Variants in RPS6KC1 observed in about 807,000 individuals in gnomAD.
RPS6KC1 encodes the protein ribosomal protein S6 kinase C1, also known as inactive ribosomal protein S6 kinase delta-1.
A neutral mutation model predicts 103.8 loss-of-function variants in RPS6KC1; 54 were observed. The observed-to-expected ratio is 0.52, with a 90% CI of 0.42 to 0.65. The LOEUF is 0.65. Among genes scored for constraint, RPS6KC1 ranks in the 30% least tolerant of loss-of-function variants. The pLI, the probability that RPS6KC1 is intolerant of heterozygous loss-of-function variation, is 0.00. For synonymous variants in RPS6KC1, 439 were observed against 438.7 expected, an observed-to-expected ratio of 1.00 and a Z score of -0.01; for missense variants, 1,151 against 1,253.8, an observed-to-expected ratio of 0.92 and a Z score of 1.24.
the RPS6KC1 span, among the ~76,000 whole-genome samples, chr1:213,292,104 G>T: frequency 6.6e-6 from 1 of 151,740 alleles, no homozygotes; most frequent in African/African-American, 2.4e-5. Flanking sequence ...CTGTTGAGGG[G>T]TGGGGGTAGG....
the RPS6KC1 span, among the ~76,000 whole-genome samples, chr1:213,835,629 A>T: frequency 0.021 from 3,143 of 152,322 alleles, 112 homozygotes; most frequent in African/African-American, 0.07. Context: ...GTCATGGAAG[A>T]GATCCTTTTC....
the RPS6KC1 span, among the ~76,000 whole-genome samples, chr1:213,539,188 A>T: frequency 6.6e-6 from 1 of 152,212 alleles, no homozygotes; most frequent in African/African-American, 2.4e-5. Flanking sequence ...TCAACTCTTG[A>T]TATCCATCCA....
At chr1:213,767,786 A>T in the RPS6KC1 span, among the ~76,000 whole-genome samples, 1 of 152,220 alleles carries the variant, frequency 6.6e-6, no homozygotes, top group East Asian at 1.9e-4. Context: ...GCCTGGCCAG[A>T]GGCCACGTGG....
the RPS6KC1 span, among the ~76,000 whole-genome samples, chr1:213,371,588 ATCT>A: frequency 2.3e-4 from 35 of 152,296 alleles, no homozygotes; most frequent in African/African-American, 7.9e-4. Context: ...ATTTCTCCAC[ATCT>A]TCTTGTTACT....
intron 1 of RPS6KC1, among the ~76,000 whole-genome samples, chr1:213,059,577 G>A (rs570131301): frequency 3.3e-5 from 5 of 152,090 alleles, no homozygotes; most frequent in East Asian, 1.9e-4. Context: ...GCAGTGGTGC[G>A]ATCTCAGCTC....
chr1:213,340,172 T>G, the RPS6KC1 span, among the ~76,000 whole-genome samples: 6 of 152,106 alleles, frequency 3.9e-5, no homozygotes, highest in Non-Finnish European at 7.4e-5. Context: ...TGAGCCACCG[T>G]GCCTGGCTGA....
chr1:213,182,642 C>T (rs1391546707), intron 8 of RPS6KC1, among the ~76,000 whole-genome samples: 1 of 150,868 alleles, frequency 6.6e-6, no homozygotes, highest in Non-Finnish European at 1.5e-5. Context: ...ATAAATATAC[C>T]AGTTAAAAAA....
chr1:213,660,027 C>T, the RPS6KC1 span, among the ~76,000 whole-genome samples: 1 of 152,256 alleles, frequency 6.6e-6, no homozygotes. Flanking sequence ...GGGTGTGTGT[C>T]TTGGCTGAGA....
the RPS6KC1 span, among the ~76,000 whole-genome samples, chr1:213,600,888 C>G: frequency 6.6e-6 from 1 of 152,182 alleles, no homozygotes; most frequent in Non-Finnish European, 1.5e-5. Flanking sequence ...TGGTAGGGCA[C>G]AAAAGGCCCC....
chr1:213,137,752 G>GCTCTCTCTCTCTCTCT lies in RPS6KC1; in HGVS notation c.835+7874_835+7889dup, dbSNP rs149436919. Among the ~76,000 whole-genome samples the GCTCTCTCTCTCTCTCT allele has an allele frequency of 8.0e-3, 98 of 12,184 alleles. 4 individuals are homozygous for GCTCTCTCTCTCTCTCT. The highest frequency in any genetic ancestry group is 0.014 in the Non-Finnish European group (72 of 5,202). The allele number at this position is 12,184 out of a possible 152,430, so 8.0% of individuals were successfully genotyped here. A position where few individuals can be genotyped will look rare whatever the true frequency, so the allele number is the denominator to read the frequency against. On this transcript the variant is annotated intron_variant, in intron 6 of 14. Coordinates refer to ENST00000366960, the MANE Select transcript of RPS6KC1 (RefSeq NM_012424.6). ...CTGTGCTTTGGTTTAAGTCCAGTTT[G>GCTCTCTCTCTCTCTCT]CTCTCTCTCTCTCTCTCTCTCTCTC...
the RPS6KC1 span, among the ~76,000 whole-genome samples, chr1:213,384,038 A>T: frequency 6.6e-6 from 1 of 152,196 alleles, no homozygotes; most frequent in African/African-American, 2.4e-5. Context: ...GCTCTTTTGG[A>T]GGCCAAGGCA....
At chr1:213,287,232 ATGTGTGTGTG>A in the RPS6KC1 span, among the ~76,000 whole-genome samples, 110,565 of 146,736 alleles carry the variant, frequency 0.75, 43,018 homozygotes, top group Non-Finnish European at 0.85. Flanking sequence ...TGCCTATACA[ATGTGTGTGTG>A]TGTGTGTGTG....
the RPS6KC1 span, among the ~76,000 whole-genome samples, chr1:213,367,001 T>C: frequency 1.3e-5 from 2 of 152,248 alleles, no homozygotes; most frequent in Admixed American, 1.3e-4. Context: ...AGTCTTCTCC[T>C]CACCAGGCTA....
chr1:213,452,587 A>T, the RPS6KC1 span, among the ~76,000 whole-genome samples: 10 of 152,274 alleles, frequency 6.6e-5, no homozygotes, highest in South Asian at 2.1e-3. Context: ...TAATGAAAGA[A>T]CTTGGTACAG....
chr1:213,404,232 T>A, the RPS6KC1 span, among the ~76,000 whole-genome samples: 954 of 152,260 alleles, frequency 6.3e-3, 9 homozygotes, highest in African/African-American at 0.022. Flanking sequence ...GGCGGGGGTT[T>A]ACACTGGGGT....
At chr1:213,380,047 C>T in the RPS6KC1 span, among the ~76,000 whole-genome samples, 645 of 152,256 alleles carry the variant, frequency 4.2e-3, 3 homozygotes, top group Non-Finnish European at 7.9e-3. Context: ...CAACACTATT[C>T]TCAATAGCCA....
chr1:213,636,435 A>C, the RPS6KC1 span, among the ~76,000 whole-genome samples: 1 of 152,214 alleles, frequency 6.6e-6, no homozygotes, highest in East Asian at 1.9e-4. Flanking sequence ...CCAATGGATC[A>C]GAACAGAGCC....
At chr1:213,298,937 C>T in the RPS6KC1 span, among the ~76,000 whole-genome samples, 5 of 152,134 alleles carry the variant, frequency 3.3e-5, no homozygotes, top group Admixed American at 1.3e-4. Context: ...TCAACCTGAG[C>T]GGGGCTCTGC....
At chr1:213,711,940 G>A in the RPS6KC1 span, among the ~76,000 whole-genome samples, 1 of 152,194 alleles carries the variant, frequency 6.6e-6, no homozygotes, top group Non-Finnish European at 1.5e-5. Context: ...CCTGTATGAG[G>A]TGTCTGTTGA....
Sources: allele counts gnomAD v4.1 joint callset (sites outside exome capture counted in the v4.1 genomes callset), GRCh38; gene constraint gnomAD v4.1.1; transcripts MANE v1.5; gene names NCBI Gene and HGNC (gene_info 2026-07-23, HGNC 2026-07-21).